Variants in FHIT observed in about 807,000 individuals in gnomAD.
FHIT encodes the protein bis(5'-adenosyl)-triphosphatase.
Under a neutral mutation model 17.9 loss-of-function variants are expected in FHIT, and 19 were observed. The observed-to-expected ratio is 1.06, with a 90% CI of 0.74 to 1.56. The LOEUF (loss-of-function observed/expected upper bound fraction) is 1.56. Among genes scored for constraint, FHIT ranks in the 40% most tolerant of loss-of-function variants. FHIT has a pLI of 0.00. For missense variants in FHIT, 248 were observed against 189.2 expected (o/e 1.31, Z -1.82); for synonymous variants, 81 against 69.7 (o/e 1.16, Z -0.81).
chr3:60,357,938 T>A (rs1699746293), intron 5 of FHIT, among the ~76,000 whole-genome samples: 1 of 152,160 alleles, frequency 6.6e-6, no homozygotes, highest in Admixed American at 6.5e-5. Context: ...AAGACTCTCA[T>A]AATTGTATTA....
intron 5 of FHIT, among the ~76,000 whole-genome samples, chr3:60,511,996 G>A (rs554746427): frequency 1.9e-4 from 29 of 152,144 alleles, no homozygotes; most frequent in African/African-American, 6.0e-4. Context: ...AAAAAATTGA[G>A]GAGAGGTAAA....
intron 3 of FHIT, among the ~76,000 whole-genome samples, chr3:60,920,575 T>C (rs1031521699): frequency 6.6e-6 from 1 of 151,812 alleles, no homozygotes; most frequent in Non-Finnish European, 1.5e-5. Context: ...AGGAGTTAAC[T>C]AAGTGAGGTG....
At chr3:60,198,189 G>C (rs1702733824) in intron 5 of FHIT, among the ~76,000 whole-genome samples, 1 of 152,056 alleles carries the variant, frequency 6.6e-6, no homozygotes. Flanking sequence ...GTCCAGTTCA[G>C]CACTTGGAGA....
intron 8 of FHIT, among the ~76,000 whole-genome samples, chr3:59,815,030 T>C (rs1397545541): frequency 2.6e-5 from 4 of 152,226 alleles, no homozygotes; most frequent in East Asian, 3.8e-4. Flanking sequence ...TGTGTGAATA[T>C]TGTGCTTAGT....
chr3:60,501,935 G>A (rs1382074445), intron 5 of FHIT, among the ~76,000 whole-genome samples: 1 of 152,208 alleles, frequency 6.6e-6, no homozygotes, highest in Non-Finnish European at 1.5e-5. Context: ...CATCCAGGCG[G>A]TTCTTTGATA....
intron 5 of FHIT, among the ~76,000 whole-genome samples, chr3:60,339,845 C>T (rs1010047782): frequency 3.0e-4 from 45 of 152,098 alleles, no homozygotes; most frequent in East Asian, 3.8e-4. Flanking sequence ...TTGCTATGCA[C>T]GCTCATTTTT....
intron 7 of FHIT, among the ~76,000 whole-genome samples, chr3:60,008,490 C>T (rs1700008326): frequency 6.6e-6 from 1 of 152,156 alleles, no homozygotes; most frequent in South Asian, 2.1e-4. Flanking sequence ...AAAAACCCTA[C>T]AGTGGTATCA....
chr3:61,032,040 A>G (rs1020427670), intron 3 of FHIT, among the ~76,000 whole-genome samples: 38 of 152,352 alleles, frequency 2.5e-4, no homozygotes, highest in African/African-American at 9.1e-4. Context: ...TGAGCTATAG[A>G]ACATAAGAGG....
intron 7 of FHIT, among the ~76,000 whole-genome samples, chr3:59,988,308 C>T (rs1411519274): frequency 1.3e-5 from 2 of 152,134 alleles, no homozygotes; most frequent in Non-Finnish European, 2.9e-5. Flanking sequence ...AGCTTCGTGA[C>T]TTACTCTCGC....
In FHIT at chr3:59,879,186, T is replaced by C. The variant is rs994883592; in HGVS notation, c.348+43160A>G. ...AAAACTAAATGAGGGCTGTTTTATC[T>C]TTCTCATCTCTCTGTGGTTCTTGTG... On this transcript the variant is annotated intron_variant, in intron 8 of 9. Transcript: ENST00000492590. Among the ~76,000 whole-genome samples, 3 of 152,226 alleles carry C rather than the reference T, an allele frequency of 2.0e-5. No individual in the cohort carries two copies. In the South Asian group the frequency reaches 6.2e-4, roughly 32 times the overall value.
intron 5 of FHIT, among the ~76,000 whole-genome samples, chr3:60,140,656 G>A (rs6446114): frequency 0.18 from 26,766 of 147,850 alleles, 3,523 homozygotes; most frequent in East Asian, 0.52. Context: ...TCAGCTCACC[G>A]CAACCTCCAC....
intron 5 of FHIT, among the ~76,000 whole-genome samples, chr3:60,226,785 A>C (rs1188034406): frequency 6.6e-6 from 1 of 152,166 alleles, no homozygotes; most frequent in Non-Finnish European, 1.5e-5. Context: ...GGCCTTGAGA[A>C]GTGCTGGTTT....
chr3:60,452,480 A>G (rs969862963), intron 5 of FHIT, among the ~76,000 whole-genome samples: 2 of 152,198 alleles, frequency 1.3e-5, no homozygotes, highest in African/African-American at 4.8e-5. Flanking sequence ...GTTATAGTCA[A>G]AAGACATTGG....
chr3:60,464,162 G>C (rs1056781922), intron 5 of FHIT, among the ~76,000 whole-genome samples: 2 of 152,100 alleles, frequency 1.3e-5, no homozygotes, highest in Admixed American at 6.6e-5. Flanking sequence ...TGCTCAAAAG[G>C]CTTGACTCAA....
At chr3:60,178,404 T>C (rs60721623) in intron 5 of FHIT, among the ~76,000 whole-genome samples, 4,973 of 152,100 alleles carry the variant, frequency 0.033, 263 homozygotes, top group African/African-American at 0.11. Context: ...CTGGCCAACA[T>C]GGTGAACCCT....
At chr3:59,771,210 G>A (rs367589683) in intron 8 of FHIT, among the ~76,000 whole-genome samples, 16 of 152,014 alleles carry the variant, frequency 1.1e-4, no homozygotes, top group East Asian at 9.7e-4. Flanking sequence ...TCAATGAATC[G>A]AATTGCAGAA....
intron 5 of FHIT, among the ~76,000 whole-genome samples, chr3:60,109,700 A>G (rs1704588016): frequency 6.6e-6 from 1 of 152,178 alleles, no homozygotes; most frequent in African/African-American, 2.4e-5. Flanking sequence ...CTTACCAAGA[A>G]GAAAAGGTGA....
intron 5 of FHIT, among the ~76,000 whole-genome samples, chr3:60,341,687 AAC>A (rs901258151): frequency 3.3e-5 from 5 of 151,892 alleles, no homozygotes; most frequent in African/African-American, 7.3e-5. Context: ...TATAATTAGC[AAC>A]AGTCTTTCCC....
rs531233076 is a variant in FHIT, at chr3:60,219,052, C to T, written c.104-204900G>A. ...CACTGAATTTTACTACCATTTTAAC[C>T]AAGGCTGAATCAAATAATTTAGAAG... is the stretch of plus-strand genomic sequence containing the variant. On this transcript the variant is annotated intron_variant, in intron 5 of 9. Coordinates refer to ENST00000492590, the MANE Select transcript of FHIT (RefSeq NM_002012.4). Among the ~76,000 whole-genome samples the T allele has an allele frequency of 3.9e-5, 6 of 152,146 alleles. 1 individual carries two copies. In the South Asian group the frequency reaches 1.2e-3, roughly 32 times the overall value.
Sources: gnomAD v4.1 joint callset for allele counts (sites outside exome capture counted in the v4.1 genomes callset) on GRCh38, gnomAD v4.1.1 for gene constraint, MANE v1.5 for transcripts, NCBI Gene and HGNC (gene_info 2026-07-23, HGNC 2026-07-21) for gene names.